The following PIAS2 variants were observed in gnomAD, a reference collection of about 807,000 sequenced individuals.
PIAS2 encodes protein inhibitor of activated STAT 2.
PIAS2 carries 19 observed loss-of-function variants against 69.7 expected under a neutral mutation model. The observed-to-expected ratio is 0.27, with a 90% CI of 0.19 to 0.40. The LOEUF (loss-of-function observed/expected upper bound fraction) is 0.40, where lower values mean the gene tolerates loss of function less well. Ranked by LOEUF, PIAS2 falls within the 10% of genes least tolerant of loss-of-function variation. The pLI, the probability that PIAS2 is intolerant of heterozygous loss-of-function variation, is 1.00. For missense variants in PIAS2, 624 were observed against 757.0 expected (o/e 0.82, Z 2.06); for synonymous variants, 261 against 263.2 (o/e 0.99, Z 0.08).
At chr18:46,835,908 A>G (rs2044358765) in intron 9 of PIAS2, among the ~76,000 whole-genome samples, 1 of 152,220 alleles carries the variant, frequency 6.6e-6, no homozygotes, top group Non-Finnish European at 1.5e-5. Flanking sequence ...ATAATATGAG[A>G]GATGATGCTT....
chr18:46,822,678 C>T (rs548059374), intron 11 of PIAS2, among the ~76,000 whole-genome samples: 2 of 152,188 alleles, frequency 1.3e-5, no homozygotes, highest in East Asian at 3.9e-4. Flanking sequence ...ACGAACAGGA[C>T]ATCATCAAAA....
intron 2 of PIAS2, among the ~76,000 whole-genome samples, chr18:46,871,997 A>G (rs2050424915): frequency 6.6e-6 from 1 of 152,210 alleles, no homozygotes; most frequent in Admixed American, 6.5e-5. Flanking sequence ...GCTCCAATAC[A>G]TATGAAGTTA....
intron 12 of PIAS2, chr18:46,816,465 C>T (rs2041547972): frequency 2.0e-6 from 2 of 984,246 alleles, no homozygotes; most frequent in South Asian, 4.7e-5. Flanking sequence ...AAAATTGTTG[C>T]TACAGATTTT....
chr18:46,873,024 C>T (rs554464077), intron 2 of PIAS2, among the ~76,000 whole-genome samples: 6 of 152,234 alleles, frequency 3.9e-5, no homozygotes, highest in Non-Finnish European at 8.8e-5. Context: ...CACTGACAAC[C>T]TGTGGCCTTT....
intron 1 of PIAS2, among the ~76,000 whole-genome samples, chr18:46,898,942 C>T (rs2146120437): frequency 6.6e-6 from 1 of 151,650 alleles, no homozygotes; most frequent in South Asian, 2.1e-4. Flanking sequence ...TTGCAGTTAG[C>T]CGAGATTGCA....
intron 1 of PIAS2, among the ~76,000 whole-genome samples, chr18:46,910,653 A>G (rs1179678548): frequency 4.6e-5 from 7 of 152,340 alleles, no homozygotes; most frequent in Middle Eastern, 6.8e-3. Context: ...AGAAAAGTTC[A>G]AAGACAAAAT....
chr18:46,917,476 G>C lies in PIAS2; in HGVS notation c.-131C>G. On this transcript the variant is annotated 5_prime_UTR_variant, in exon 1 of 14. Coordinates refer to ENST00000585916, the MANE Select transcript of PIAS2 (RefSeq NM_004671.5). ...CACTGGGCGCCGCTTAAGACGCCGC[G>C]GCCGCCGCCGCTACAGCCGGGCCCG... 8.3e-7 allele frequency: 1 copy of C among 1,207,812 alleles called. No homozygotes were observed. 74.8% of individuals were successfully genotyped at this position (1,207,812 alleles called of 1,614,324 possible). A position where few individuals can be genotyped will look rare whatever the true frequency, so the allele number is the denominator to read the frequency against.
intron 9 of PIAS2, among the ~76,000 whole-genome samples, chr18:46,831,975 A>C (rs1157830714): frequency 6.6e-6 from 1 of 152,190 alleles, no homozygotes; most frequent in Non-Finnish European, 1.5e-5. Flanking sequence ...CAAAGTAGAC[A>C]CTTCTGCTTT....
At chr18:46,837,706 A>C (rs576517060) in intron 8 of PIAS2, among the ~76,000 whole-genome samples, 1 of 152,346 alleles carries the variant, frequency 6.6e-6, no homozygotes, top group East Asian at 1.9e-4. Flanking sequence ...CACTGGCACC[A>C]AGACGTACAC....
In PIAS2 at chr18:46,810,438, T is replaced by C. The variant is rs2040924723; in HGVS notation, c.*1995A>G. 1 of 152,190 alleles carries C rather than the reference T, an allele frequency of 6.6e-6. No homozygotes were observed. The highest frequency in any genetic ancestry group is 1.5e-5 in the Non-Finnish European group (1 of 68,038). 9.4% of individuals were successfully genotyped at this position (152,190 alleles called of 1,614,324 possible). A position where few individuals can be genotyped will look rare whatever the true frequency, so the allele number is the denominator to read the frequency against. Reference sequence around the variant, plus strand: ...TTACAGAGTCAATAAATATTGCATCTGTATTTAGAGCAGCAACATAAAACT... The same window carrying C: ...TTACAGAGTCAATAAATATTGCATCCGTATTTAGAGCAGCAACATAAAACT... On this transcript the variant is annotated 3_prime_UTR_variant, in exon 14 of 14. Transcript: ENST00000585916.
intron 2 of PIAS2, among the ~76,000 whole-genome samples, chr18:46,877,482 A>C (rs993075848): frequency 2.0e-5 from 3 of 147,954 alleles, no homozygotes; most frequent in African/African-American, 2.6e-5. Context: ...ACTCCTGACC[A>C]CCCATTCTGT....
At chr18:46,860,899 C>A (rs2048559241) in intron 3 of PIAS2, among the ~76,000 whole-genome samples, 1 of 152,018 alleles carries the variant, frequency 6.6e-6, no homozygotes, top group African/African-American at 2.4e-5. Context: ...ATCATTTGAC[C>A]CCAGGTGGTC....
intron 3 of PIAS2, among the ~76,000 whole-genome samples, chr18:46,857,864 T>C (rs911137299): frequency 7.9e-5 from 12 of 152,192 alleles, no homozygotes; most frequent in African/African-American, 2.9e-4. Flanking sequence ...GCATTTACCA[T>C]ATGCTAGGTA....
At chr18:46,848,193 T>G (rs2046428397) in intron 5 of PIAS2, among the ~76,000 whole-genome samples, 1 of 152,194 alleles carries the variant, frequency 6.6e-6, no homozygotes, top group African/African-American at 2.4e-5. Context: ...TGTATTTCAT[T>G]CCACTAATGT....
chr18:46,876,297 A>T (rs779584931), intron 2 of PIAS2, among the ~76,000 whole-genome samples: 14 of 152,234 alleles, frequency 9.2e-5, no homozygotes, highest in Non-Finnish European at 1.8e-4. Flanking sequence ...ATGCCACTGG[A>T]GTCCCGAGAG....
chr18:46,864,091 AATT>A (rs1476188668), intron 3 of PIAS2, 70 bp downstream of exon 3: 1 of 857,000 alleles, frequency 1.2e-6, no homozygotes, highest in Non-Finnish European at 1.9e-6. Flanking sequence ...CAGTCTGTGA[AATT>A]TTGTTATGGC....
intron 11 of PIAS2, among the ~76,000 whole-genome samples, chr18:46,821,571 C>T (rs1488069969): frequency 1.3e-5 from 2 of 152,064 alleles, no homozygotes; most frequent in Admixed American, 6.6e-5. Flanking sequence ...TCCTGGGAAT[C>T]ATCTGAGCAA....
At chr18:46,841,935 T>G (rs1302187937) in intron 8 of PIAS2, among the ~76,000 whole-genome samples, 1 of 152,178 alleles carries the variant, frequency 6.6e-6, no homozygotes, top group African/African-American at 2.4e-5. Context: ...CTTTCACTAT[T>G]ATTGAAAGTT....
At chr18:46,862,690 C>CAT (rs1417647638) in intron 3 of PIAS2, among the ~76,000 whole-genome samples, 8 of 150,906 alleles carry the variant, frequency 5.3e-5, no homozygotes, top group African/African-American at 1.2e-4. Flanking sequence ...TACACACACA[C>CAT]ATATATATAC....
Sources: allele counts gnomAD v4.1 joint callset (sites outside exome capture counted in the v4.1 genomes callset), GRCh38; gene constraint gnomAD v4.1.1; transcripts MANE v1.5; gene names NCBI Gene and HGNC (gene_info 2026-07-23, HGNC 2026-07-21).